Variants in NAV3 observed in about 807,000 individuals in gnomAD.
The protein encoded by NAV3 is pore membrane and/or filament interacting like protein 1.
Under a neutral mutation model 244.7 loss-of-function variants are expected in NAV3, and 87 were observed. The ratio of observed to expected loss-of-function variants is 0.36; its 90% CI spans 0.30 to 0.42. The LOEUF (loss-of-function observed/expected upper bound fraction) is 0.42, where lower values mean the gene tolerates loss of function less well. Among genes scored for constraint, NAV3 ranks in the 20% least tolerant of loss-of-function variants. NAV3 has a pLI of 1.00. For synonymous variants in NAV3, 1,126 were observed against 1,042.2 expected (o/e 1.08, Z -1.55); for missense variants, 2,663 against 2,893.3 (o/e 0.92, Z 1.83).
chr12:77,775,253 A>C (rs534115018), intron 2 of NAV3, among the ~76,000 whole-genome samples: 2 of 151,996 alleles, frequency 1.3e-5, no homozygotes, highest in Admixed American at 1.3e-4. Flanking sequence ...TTAGCCAGGC[A>C]TGGTGGTTCA....
chr12:77,584,993 C>G (rs1417407898), intron 2 of NAV3, among the ~76,000 whole-genome samples: 2 of 152,138 alleles, frequency 1.3e-5, no homozygotes, highest in African/African-American at 4.8e-5. Flanking sequence ...GATGATACAA[C>G]TGAAAGTAGG....
chr12:77,915,483 C>T (rs1388562828), intron 1 of NAV3, among the ~76,000 whole-genome samples: 1 of 151,758 alleles, frequency 6.6e-6, no homozygotes, highest in African/African-American at 2.4e-5. Context: ...TTGACAAAAA[C>T]AGGCAAGCCA....
intron 2 of NAV3, among the ~76,000 whole-genome samples, chr12:77,597,760 A>G (rs528370271): frequency 5.9e-5 from 9 of 152,210 alleles, no homozygotes; most frequent in South Asian, 2.1e-4. Flanking sequence ...ACAAAGTGCA[A>G]TAAGATAAAG....
At chr12:77,800,650 T>C (rs753474181) in intron 2 of NAV3, among the ~76,000 whole-genome samples, 10 of 152,312 alleles carry the variant, frequency 6.6e-5, no homozygotes, top group Admixed American at 2.0e-4. Flanking sequence ...ATTGATTGTG[T>C]AACTGCATCT....
At chr12:77,887,991 A>G (rs1033273330) in intron 1 of NAV3, among the ~76,000 whole-genome samples, 1 of 150,810 alleles carries the variant, frequency 6.6e-6, no homozygotes, top group Non-Finnish European at 1.5e-5. Flanking sequence ...GTGGCAAACA[A>G]TAAAGCGTAT....
intron 12 of NAV3, among the ~76,000 whole-genome samples, chr12:78,103,260 A>G (rs1409986337): frequency 6.6e-6 from 1 of 152,190 alleles, no homozygotes; most frequent in Non-Finnish European, 1.5e-5. Context: ...TCTCTAGGGC[A>G]GGGGCAAAAT....
chr12:78,158,702 A>G (rs950114499), intron 22 of NAV3, among the ~76,000 whole-genome samples: 8 of 151,660 alleles, frequency 5.3e-5, no homozygotes, highest in East Asian at 3.9e-4. Context: ...AGTAAAGATA[A>G]TGTTCTAGCT....
chr12:78,146,452 A>G, intron 21 of NAV3, 60 bp downstream of exon 21: 1 of 759,874 alleles, frequency 1.3e-6, no homozygotes, highest in Non-Finnish European at 1.9e-6. Flanking sequence ...TCATGATGAA[A>G]TTAGTCTTGT....
chr12:77,782,908 T>A (rs1036818873), intron 2 of NAV3, among the ~76,000 whole-genome samples: 1 of 152,186 alleles, frequency 6.6e-6, no homozygotes, highest in Non-Finnish European at 1.5e-5. Context: ...AGTGTGAAAA[T>A]TGAACATATG....
At position 77,884,665 on chromosome 12, in the gene NAV3, T is replaced by C. The variant is rs545939586; in HGVS notation, c.243+52961T>C. On this transcript the variant is annotated intron_variant, in intron 1 of 39. Transcript: ENST00000397909. ...GCTGTTGGGATGATGTCCACTTACA[T>C]TGATGGCGGATCTTCCTTATTCGGT... Among the ~76,000 whole-genome samples the C allele has an allele frequency of 5.9e-4, 90 of 152,254 alleles. No individual in the cohort carries two copies. The Middle Eastern group carries it at 0.01, about 17-fold the overall frequency.
intron 3 of NAV3, among the ~76,000 whole-genome samples, chr12:77,961,470 GTATC>G (rs1437813003): frequency 2.6e-5 from 3 of 113,786 alleles, no homozygotes; most frequent in Non-Finnish European, 5.1e-5. Context: ...ATATACATAT[GTATC>G]TATTACATGT....
rs141009706 is a variant in NAV3, at chr12:78,003,358, G to T, written c.881-3061G>T. On this transcript the variant is annotated intron_variant, in intron 7 of 39. Transcript: ENST00000397909. Reference sequence around the variant, plus strand: ...TTAATCATTTTCCTCTTTCCACCACGATCTGTGATGCTTAAAGTATCCTAT... The same window carrying T: ...TTAATCATTTTCCTCTTTCCACCACTATCTGTGATGCTTAAAGTATCCTAT... Among the ~76,000 whole-genome samples, 80 of 152,230 alleles carry T rather than the reference G, an allele frequency of 5.3e-4. 2 individuals carry two copies. The East Asian group carries it at 0.013, about 25-fold the overall frequency.
At chr12:77,978,112 C>T (rs577910708) in intron 5 of NAV3, among the ~76,000 whole-genome samples, 4 of 152,084 alleles carry the variant, frequency 2.6e-5, no homozygotes, top group East Asian at 1.9e-4. Context: ...AAAATAAAAA[C>T]GTCATAATTG....
At chr12:78,146,764 A>G (rs440308) in intron 21 of NAV3, among the ~76,000 whole-genome samples, 150 of 152,134 alleles carry the variant, frequency 9.9e-4, no homozygotes, top group Non-Finnish European at 1.7e-3. Context: ...AAACTTGGGC[A>G]CCAAGCCTCC....
At chr12:78,137,473 T>C (rs1434328865) in intron 19 of NAV3, 108 bp downstream of exon 19, 1 of 1,111,928 alleles carries the variant, frequency 9.0e-7, no homozygotes. Context: ...AATAAACTAG[T>C]GTAATTATCA....
intron 7 of NAV3, among the ~76,000 whole-genome samples, chr12:78,001,576 C>A (rs189110060): frequency 6.6e-6 from 1 of 152,078 alleles, no homozygotes; most frequent in African/African-American, 2.4e-5. Flanking sequence ...AGTGATGTGA[C>A]GCTTAATGAG....
At chr12:77,613,805 C>T (rs2136832169) in intron 2 of NAV3, among the ~76,000 whole-genome samples, 1 of 152,250 alleles carries the variant, frequency 6.6e-6, no homozygotes, top group South Asian at 2.1e-4. Context: ...ACCGTTTTGT[C>T]CGTTAGGAAC....
rs2136596407 is a variant in NAV3, at chr12:78,007,305, C to T, written c.1767C>T (p.Gly589=). 6.2e-7 allele frequency: 1 copy of T among 1,614,154 alleles called. No homozygotes were observed. Among genetic ancestry groups the T allele is most frequent in the South Asian group, 1.1e-5 (1 of 91,086 alleles). ...CCCCTTTGGAAGGAAGGGAAGCTGG[C>T]CAAGCTTCTCCTTCTGGTTCCTGTA... ...CPAPLEGREA[G]QASPSGSCTM... is the part of the protein sequence containing the mutation. The change falls in exon 8 of 40, where the codon GGC becomes GGT. Residue 589 remains glycine, a synonymous_variant. Coordinates refer to ENST00000397909, the MANE Select transcript of NAV3 (RefSeq NM_001024383.2).
chr12:77,953,516 A>G (rs1027939754), intron 3 of NAV3, among the ~76,000 whole-genome samples: 22 of 152,196 alleles, frequency 1.4e-4, no homozygotes, highest in Non-Finnish European at 2.8e-4. Flanking sequence ...TAATTACACC[A>G]TAGGACCTAA....
Sources: allele counts gnomAD v4.1 joint callset (sites outside exome capture counted in the v4.1 genomes callset), GRCh38; gene constraint gnomAD v4.1.1; transcripts MANE v1.5; gene names NCBI Gene and HGNC (gene_info 2026-07-23, HGNC 2026-07-21).